The following CLASP1 variants were observed in gnomAD, a reference collection of about 807,000 sequenced individuals.
CLASP1 encodes cytoplasmic linker associated protein 1, also known as CLIP-associating protein 1.
Under a neutral mutation model 192.3 loss-of-function variants are expected in CLASP1, and 38 were observed. The observed-to-expected ratio is 0.20, with a 90% CI of 0.15 to 0.26. The LOEUF (loss-of-function observed/expected upper bound fraction) is 0.26, where lower values mean the gene tolerates loss of function less well. Ranked by LOEUF, CLASP1 falls within the 10% of genes least tolerant of loss-of-function variation. The probability of loss-of-function intolerance (pLI) is 1.00; values close to 1 mark genes in which losing one functional copy is unlikely to be tolerated. For synonymous variants in CLASP1, 691 were observed against 712.8 expected (o/e 0.97, Z 0.49); for missense variants, 1,433 against 1,932.5 (o/e 0.74, Z 4.85).
In CLASP1 at chr2:121,621,098, A is replaced by T. The variant is rs550673252; in HGVS notation, c.-285-14918T>A. ...CAAAAATTAATTGGTACATGCTTGT[A>T]GTCCCAGCCACTCGGGAGGCTAAAG... On this transcript the variant is annotated intron_variant, in intron 1 of 39. Coordinates refer to ENST00000263710, the Ensembl canonical transcript of CLASP1. 2.4e-4 allele frequency among the ~76,000 whole-genome samples: 37 copies of T among 152,250 alleles called. No individual in the cohort carries two copies. In the South Asian group the frequency reaches 2.7e-3, roughly 11 times the overall value.
chr2:121,563,628 T>C lies in CLASP1; in HGVS notation c.196-33303A>G, dbSNP rs78661357. The stretch of plus-strand genomic sequence containing the variant: ...TAATTTCTTTTAACTTCCAACTTTT[T>C]GTAAAACAAAAAGGCCCTGAGAACT... On this transcript the variant is annotated intron_variant, in intron 2 of 39. Transcript: ENST00000263710. Among the ~76,000 whole-genome samples the C allele has an allele frequency of 6.4e-3, 969 of 152,340 alleles. 12 individuals are homozygous for C. The highest frequency in any genetic ancestry group is 0.022 in the African/African-American group (925 of 41,582).
chr2:121,341,538 A>C (rs1023801480), intron 39 of CLASP1, among the ~76,000 whole-genome samples: 3 of 152,272 alleles, frequency 2.0e-5, no homozygotes, highest in Non-Finnish European at 2.9e-5. Flanking sequence ...GCTGTCTATA[A>C]GAAATTCACT....
intron 30 of CLASP1, among the ~76,000 whole-genome samples, chr2:121,393,651 T>C (rs1250705879): frequency 3.3e-5 from 5 of 152,164 alleles, no homozygotes; most frequent in African/African-American, 4.8e-5. Context: ...ACTATATTTA[T>C]AAATGTTCAA....
chr2:121,340,427 A>T (rs541819765), exon 40 of CLASP1: 1 of 165,048 alleles, frequency 6.1e-6, no homozygotes, highest in South Asian at 1.6e-4. Flanking sequence ...CACACAGACC[A>T]TACGCACAAG....
chr2:121,427,678 T>A (rs757012426), intron 20 of CLASP1, among the ~76,000 whole-genome samples: 1 of 152,234 alleles, frequency 6.6e-6, no homozygotes, highest in Non-Finnish European at 1.5e-5. Context: ...CAGGCTCACA[T>A]CTGCTTTCTA....
At chr2:121,403,545 A>T in intron 26 of CLASP1, 1 of 454,808 alleles carries the variant, frequency 2.2e-6, no homozygotes, top group South Asian at 1.6e-5. Flanking sequence ...TTGATCCTGC[A>T]TGTCAGCATT....
chr2:121,438,735 T>C (rs1443844980), intron 19 of CLASP1, among the ~76,000 whole-genome samples: 1 of 151,988 alleles, frequency 6.6e-6, no homozygotes, highest in Non-Finnish European at 1.5e-5. Context: ...GTTTTGCCAG[T>C]ATTTTATTGA....
chr2:121,549,117 GC>G (rs1485192882), intron 2 of CLASP1, among the ~76,000 whole-genome samples: 1 of 152,122 alleles, frequency 6.6e-6, no homozygotes, highest in African/African-American at 2.4e-5. Flanking sequence ...TGGGCTAAAT[GC>G]CCCCACATAA....
At chr2:121,561,472 T>C (rs1488607032) in intron 2 of CLASP1, among the ~76,000 whole-genome samples, 1 of 152,138 alleles carries the variant, frequency 6.6e-6, no homozygotes, top group Non-Finnish European at 1.5e-5. Flanking sequence ...AGAGACAAAA[T>C]GGAACAATAA....
chr2:121,457,552 C>CA (rs1191183666), intron 14 of CLASP1, 135 bp downstream of exon 14: 10 of 662,728 alleles, frequency 1.5e-5, no homozygotes, highest in Non-Finnish European at 2.6e-5. Context: ...TTCTTCAACT[C>CA]AAAGTCATTT....
At chr2:121,614,103 G>C (rs2066061656) in intron 1 of CLASP1, among the ~76,000 whole-genome samples, 1 of 152,174 alleles carries the variant, frequency 6.6e-6, no homozygotes, top group African/African-American at 2.4e-5. Context: ...TGACAAAGGG[G>C]GAGGCTACCA....
chr2:121,627,189 T>C (rs2068542984), intron 1 of CLASP1, among the ~76,000 whole-genome samples: 1 of 152,102 alleles, frequency 6.6e-6, no homozygotes, highest in African/African-American at 2.4e-5. Flanking sequence ...AACAACAAAA[T>C]ATGCGTAACC....
chr2:121,446,234 CAGAACAAT>C (rs2149766899), intron 19 of CLASP1, among the ~76,000 whole-genome samples: 1 of 152,284 alleles, frequency 6.6e-6, no homozygotes, highest in African/African-American at 2.4e-5. Flanking sequence ...TTCCACCTTA[CAGAACAAT>C]AGTTTATAAA....
At chr2:121,464,377 G>C (rs984951038) in intron 9 of CLASP1, among the ~76,000 whole-genome samples, 5 of 152,004 alleles carry the variant, frequency 3.3e-5, no homozygotes, top group Admixed American at 3.3e-4. Context: ...GGGATGGCTG[G>C]GTCAAATGGT....
rs548416538 is a variant in CLASP1 at position 121,633,275 on chromosome 2, TAA to T, written c.-286+16095_-286+16096del. Among the ~76,000 whole-genome samples the T allele has an allele frequency of 2.0e-4, 30 of 152,152 alleles. 2 individuals carry two copies. In the South Asian group the frequency reaches 5.0e-3, roughly 25 times the overall value. ...ATAATATACTTACATTCACTCATAA[TAA>T]AAAGAGATACAAGTATATCCCCCAG... On this transcript the variant is annotated intron_variant, in intron 1 of 39. Transcript: ENST00000263710.
chr2:121,492,283 G>A (rs1225207176), intron 8 of CLASP1, among the ~76,000 whole-genome samples: 1 of 151,448 alleles, frequency 6.6e-6, no homozygotes, highest in Admixed American at 6.6e-5. Flanking sequence ...CAGCTACCCG[G>A]GAGGCTGAGG....
chr2:121,387,974 T>A, intron 30 of CLASP1, 68 bp from the exon 32 acceptor site: 1 of 1,207,844 alleles, frequency 8.3e-7, no homozygotes, highest in South Asian at 1.6e-5. Flanking sequence ...ATTAAAGTTG[T>A]TTAAAAAAAT....
At chr2:121,371,485 TG>T (rs2068717345) in intron 34 of CLASP1, among the ~76,000 whole-genome samples, 1 of 152,022 alleles carries the variant, frequency 6.6e-6, no homozygotes, top group African/African-American at 2.4e-5. Flanking sequence ...GCAATCCTCC[TG>T]CCTTGGCCTC....
chr2:121,534,702 A>G (rs149412256), intron 2 of CLASP1, among the ~76,000 whole-genome samples: 126 of 152,038 alleles, frequency 8.3e-4, no homozygotes, highest in Middle Eastern at 3.4e-3. Context: ...TAATTTTTGT[A>G]TTTTTAGTAG....
Sources: allele counts gnomAD v4.1 joint callset (sites outside exome capture counted in the v4.1 genomes callset), GRCh38; gene constraint gnomAD v4.1.1; transcripts MANE v1.5; gene names NCBI Gene and HGNC (gene_info 2026-07-23, HGNC 2026-07-21).